Variants in ZMAT4 observed in about 807,000 individuals in gnomAD.
ZMAT4 encodes the protein zinc finger matrin-type 4.
Under a neutral mutation model 28.7 loss-of-function variants are expected in ZMAT4, and 17 were observed. The observed-to-expected ratio is 0.59, with a 90% CI of 0.41 to 0.89. The LOEUF (loss-of-function observed/expected upper bound fraction) is 0.89. ZMAT4 is among the 40% of genes least tolerant of loss of function. The pLI is 0.00. For synonymous variants in ZMAT4, 117 were observed against 109.2 expected, an observed-to-expected ratio of 1.07 and a Z score of -0.44; for missense variants, 240 against 283.8, an observed-to-expected ratio of 0.85 and a Z score of 1.11.
At chr8:40,612,632 A>T (rs1805840412) in intron 5 of ZMAT4, among the ~76,000 whole-genome samples, 1 of 136,752 alleles carries the variant, frequency 7.3e-6, no homozygotes, top group Non-Finnish European at 1.7e-5. Flanking sequence ...CCAGACTCAT[A>T]TATCCAACGA....
At chr8:40,720,523 CT>C (rs1307193398) in intron 3 of ZMAT4, among the ~76,000 whole-genome samples, 3,334 of 113,128 alleles carry the variant, frequency 0.029, 47 homozygotes, top group African/African-American at 0.077. Context: ...TGGGTAGAAT[CT>C]TTTTTTTTTT....
chr8:40,531,512 G>T lies in ZMAT4; in HGVS notation c.*711C>A, dbSNP rs1802693101. 6.6e-6 allele frequency: 1 copy of T among 152,642 alleles called. No individual in the cohort carries two copies. Among genetic ancestry groups the T allele is most frequent in the Admixed American group, 6.5e-5 (1 of 15,288 alleles). 9.5% of individuals were successfully genotyped at this position (152,642 alleles called of 1,614,324 possible). A position where few individuals can be genotyped will look rare whatever the true frequency, so the allele number is the denominator to read the frequency against. On this transcript the variant is annotated 3_prime_UTR_variant, in exon 7 of 7. Transcript: ENST00000297737. ...CTGTGAAGACGTTTTTGCCTAAGAAGATCATCATGCAGGCAGACTAATTCT... is the reference window on the plus strand; with the variant it reads ...CTGTGAAGACGTTTTTGCCTAAGAATATCATCATGCAGGCAGACTAATTCT...
intron 6 of ZMAT4, 80 bp from the exon 7 acceptor site, chr8:40,532,318 G>A: frequency 3.1e-6 from 4 of 1,297,442 alleles, no homozygotes; most frequent in Non-Finnish European, 4.2e-6. Flanking sequence ...CCCACCCCCT[G>A]TCTCTCTTCT....
At chr8:40,593,367 G>A (rs1233910096) in intron 5 of ZMAT4, among the ~76,000 whole-genome samples, 4 of 152,124 alleles carry the variant, frequency 2.6e-5, no homozygotes, top group South Asian at 2.1e-4. Flanking sequence ...GGTAGAAAGC[G>A]GTATGTATGC....
chr8:40,870,144 T>C (rs1374028634), intron 1 of ZMAT4, among the ~76,000 whole-genome samples: 2 of 152,202 alleles, frequency 1.3e-5, no homozygotes, highest in African/African-American at 2.4e-5. Context: ...TGAATGTATC[T>C]GTACCAGGAA....
At chr8:40,704,327 C>T (rs1047443137) in intron 3 of ZMAT4, among the ~76,000 whole-genome samples, 1 of 152,186 alleles carries the variant, frequency 6.6e-6, no homozygotes, top group African/African-American at 2.4e-5. Context: ...CGTTATCTCC[C>T]ACTGTTCTCT....
chr8:40,605,760 G>A (rs146057475), intron 5 of ZMAT4, among the ~76,000 whole-genome samples: 244 of 152,178 alleles, frequency 1.6e-3, no homozygotes, highest in Middle Eastern at 0.01. Context: ...TGTCAGTGGA[G>A]TATTGAAATT....
intron 3 of ZMAT4, among the ~76,000 whole-genome samples, chr8:40,707,233 C>G (rs1282374527): frequency 7.2e-6 from 1 of 139,112 alleles, no homozygotes; most frequent in Non-Finnish European, 1.6e-5. Flanking sequence ...CCCCCCCACC[C>G]CCATCTGACA....
At chr8:40,894,935 G>A (rs943532612) in intron 1 of ZMAT4, among the ~76,000 whole-genome samples, 1 of 152,168 alleles carries the variant, frequency 6.6e-6, no homozygotes, top group Non-Finnish European at 1.5e-5. Context: ...TCTTATTTCA[G>A]GGGACAATTT....
chr8:40,626,067 G>T (rs558709076), intron 5 of ZMAT4, among the ~76,000 whole-genome samples: 4 of 149,166 alleles, frequency 2.7e-5, no homozygotes, highest in Admixed American at 6.7e-5. Flanking sequence ...CTGAGATTGC[G>T]CCATTGCACT....
intron 2 of ZMAT4, among the ~76,000 whole-genome samples, chr8:40,805,404 A>G (rs1188401698): frequency 2.0e-5 from 3 of 150,164 alleles, no homozygotes; most frequent in African/African-American, 7.4e-5. Context: ...ATCTAGAACT[A>G]GAAATACCAT....
intron 3 of ZMAT4, among the ~76,000 whole-genome samples, chr8:40,717,406 G>C (rs907616569): frequency 1.4e-4 from 22 of 152,312 alleles, no homozygotes; most frequent in Admixed American, 9.8e-4. Context: ...TGTAATCCCA[G>C]CACTTTGGGA....
intron 5 of ZMAT4, among the ~76,000 whole-genome samples, chr8:40,671,066 C>CAA (rs34621757): frequency 1.6e-5 from 2 of 123,596 alleles, no homozygotes; most frequent in African/African-American, 6.2e-5. Flanking sequence ...GACTCCATCT[C>CAA]AAAAAAAAAA....
At chr8:40,793,731 A>G (rs578215633) in intron 2 of ZMAT4, among the ~76,000 whole-genome samples, 2 of 152,296 alleles carry the variant, frequency 1.3e-5, no homozygotes, top group Non-Finnish European at 2.9e-5. Flanking sequence ...ATTTGTATCT[A>G]TGTCGTTTGT....
At chr8:40,748,661 T>C (rs1812335884) in intron 3 of ZMAT4, among the ~76,000 whole-genome samples, 1 of 152,244 alleles carries the variant, frequency 6.6e-6, no homozygotes, top group Admixed American at 6.5e-5. Flanking sequence ...TTCGTTTAGC[T>C]TCTTTAAAAC....
intron 1 of ZMAT4, among the ~76,000 whole-genome samples, chr8:40,844,449 A>G (rs1319197629): frequency 6.6e-6 from 1 of 152,150 alleles, no homozygotes; most frequent in South Asian, 2.1e-4. Context: ...CCCCTGGGAT[A>G]TGGGTGCTCC....
chr8:40,595,540 A>C (rs1221383478), intron 5 of ZMAT4, among the ~76,000 whole-genome samples: 1 of 152,162 alleles, frequency 6.6e-6, no homozygotes, highest in Non-Finnish European at 1.5e-5. Flanking sequence ...GGTATGGCCT[A>C]TTGCTCTTAG....
chr8:40,762,578 C>A (rs764312141), intron 3 of ZMAT4, among the ~76,000 whole-genome samples: 1 of 151,996 alleles, frequency 6.6e-6, no homozygotes, highest in South Asian at 2.1e-4. Flanking sequence ...ATCCCTTGAG[C>A]CTGGGAGTTC....
intron 3 of ZMAT4, among the ~76,000 whole-genome samples, chr8:40,746,546 T>C (rs2150541227): frequency 6.6e-6 from 1 of 151,974 alleles, no homozygotes; most frequent in Non-Finnish European, 1.5e-5. Flanking sequence ...GTATTTTTAG[T>C]AGAGACAGGT....
Sources: allele counts gnomAD v4.1 joint callset (sites outside exome capture counted in the v4.1 genomes callset), GRCh38; gene constraint gnomAD v4.1.1; transcripts MANE v1.5; gene names NCBI Gene and HGNC (gene_info 2026-07-23, HGNC 2026-07-21).